The following CNTN5 variants were observed in gnomAD, a reference collection of about 807,000 sequenced individuals.
CNTN5 encodes the protein contactin 5, also known as contactin-5.
A neutral mutation model predicts 129.1 loss-of-function variants in CNTN5; 77 were observed. That is an observed-to-expected ratio of 0.60 (90% CI 0.50 to 0.72). The LOEUF (loss-of-function observed/expected upper bound fraction) is 0.72, where lower values mean the gene tolerates loss of function less well. CNTN5 is among the 30% of genes least tolerant of loss of function. The pLI is 0.00. For synonymous variants in CNTN5, 509 were observed against 465.6 expected (o/e 1.09, Z -1.20); for missense variants, 1,478 against 1,328.8 (o/e 1.11, Z -1.75).
intron 2 of CNTN5, among the ~76,000 whole-genome samples, chr11:99,464,607 AT>A (rs988563928): frequency 1.3e-5 from 2 of 152,158 alleles, no homozygotes; most frequent in African/African-American, 2.4e-5. Flanking sequence ...TTGAAATTGA[AT>A]TACATACTCA....
intron 6 of CNTN5, among the ~76,000 whole-genome samples, chr11:99,858,286 A>T (rs1948101363): frequency 1.3e-5 from 2 of 152,146 alleles, no homozygotes; most frequent in Admixed American, 1.3e-4. Flanking sequence ...ATTTATATCA[A>T]TTCTGTTTTC....
chr11:99,694,181 G>A lies in CNTN5; in HGVS notation c.56-125363G>A, dbSNP rs897925033. On this transcript the variant is annotated intron_variant, in intron 3 of 24. Transcript: ENST00000524871. ...CACAATACGGCTCTGAAGCCAATAC[G>A]GCTCATGAAGCCAAAGACTTAGAGT... Among the ~76,000 whole-genome samples, 55 of 151,746 alleles carry A rather than the reference G, an allele frequency of 3.6e-4. 2 individuals carry two copies. The highest frequency in any genetic ancestry group is 7.1e-4 in the Non-Finnish European group (48 of 67,954).
At chr11:99,268,435 G>C (rs1234445779) in intron 1 of CNTN5, among the ~76,000 whole-genome samples, 1 of 151,302 alleles carries the variant, frequency 6.6e-6, no homozygotes, top group African/African-American at 2.4e-5. Context: ...TATAATATTA[G>C]ATCATATATA....
intron 8 of CNTN5, among the ~76,000 whole-genome samples, chr11:99,958,070 A>G (rs948964769): frequency 1.3e-5 from 2 of 152,100 alleles, no homozygotes; most frequent in Admixed American, 1.3e-4. Context: ...CATTTTAAAG[A>G]GAAGAAAGCC....
intron 3 of CNTN5, among the ~76,000 whole-genome samples, chr11:99,776,972 A>C (rs1407116783): frequency 6.6e-6 from 1 of 151,950 alleles, no homozygotes. Context: ...GTTATTTTAA[A>C]AATGTCATTT....
At chr11:100,103,756 G>A (rs1476715373) in intron 13 of CNTN5, among the ~76,000 whole-genome samples, 4 of 152,114 alleles carry the variant, frequency 2.6e-5, no homozygotes, top group African/African-American at 7.2e-5. Context: ...AAGGGAACTG[G>A]AAGCTATAAT....
chr11:99,196,381 G>T (rs1746012724), intron 1 of CNTN5, among the ~76,000 whole-genome samples: 1 of 151,486 alleles, frequency 6.6e-6, no homozygotes, highest in Non-Finnish European at 1.5e-5. Flanking sequence ...AGAGATTTTG[G>T]GTTTTATATC....
At chr11:99,049,770 T>C (rs538018298) in intron 1 of CNTN5, 3 of 152,246 alleles carry the variant, frequency 2.0e-5, no homozygotes, top group South Asian at 2.1e-4. Flanking sequence ...ACTTGACTTA[T>C]ATATATTTGG....
chr11:100,082,306 G>A (rs982755137), intron 13 of CNTN5, among the ~76,000 whole-genome samples: 2 of 152,146 alleles, frequency 1.3e-5, no homozygotes, highest in African/African-American at 2.4e-5. Flanking sequence ...TATTGAGATA[G>A]GGTCTCACAA....
chr11:99,771,960 G>GA (rs1317926756), intron 3 of CNTN5, among the ~76,000 whole-genome samples: 37 of 149,292 alleles, frequency 2.5e-4, no homozygotes, highest in South Asian at 6.3e-4. Flanking sequence ...GTGTCTGGGA[G>GA]AAAAAAAAAC....
intron 3 of CNTN5, among the ~76,000 whole-genome samples, chr11:99,620,498 T>TTTC (rs1456349092): frequency 8.3e-6 from 1 of 120,608 alleles, no homozygotes; most frequent in Admixed American, 1.1e-4. Context: ...TAAAACTCTT[T>TTTC]TTTTCTTTTC....
chr11:99,626,463 C>G (rs1304460862), intron 3 of CNTN5, among the ~76,000 whole-genome samples: 1 of 152,076 alleles, frequency 6.6e-6, no homozygotes, highest in African/African-American at 2.4e-5. Flanking sequence ...AATGCCTCTT[C>G]TTTACATCTC....
chr11:99,095,592 C>T (rs887369809), intron 1 of CNTN5, among the ~76,000 whole-genome samples: 1 of 151,746 alleles, frequency 6.6e-6, no homozygotes, highest in African/African-American at 2.4e-5. Flanking sequence ...GGAGAAGAGA[C>T]ATAAAAGTAC....
intron 23 of CNTN5, among the ~76,000 whole-genome samples, chr11:100,347,296 G>C (rs1351153341): frequency 4.6e-5 from 7 of 151,932 alleles, no homozygotes; most frequent in Non-Finnish European, 7.4e-5. Flanking sequence ...ATAGTCTATA[G>C]CCACTCTAGC....
At chr11:100,096,411 C>T (rs1212079192) in intron 13 of CNTN5, among the ~76,000 whole-genome samples, 1 of 152,014 alleles carries the variant, frequency 6.6e-6, no homozygotes, top group Non-Finnish European at 1.5e-5. Flanking sequence ...CTGATATATA[C>T]CCGTATTCTG....
At chr11:99,742,527 A>G (rs558679883) in intron 3 of CNTN5, among the ~76,000 whole-genome samples, 1 of 152,286 alleles carries the variant, frequency 6.6e-6, no homozygotes, top group Admixed American at 6.5e-5. Flanking sequence ...AAGAAGGAGG[A>G]AAAAACAATC....
intron 1 of CNTN5, among the ~76,000 whole-genome samples, chr11:99,067,840 A>G (rs1865166890): frequency 6.6e-6 from 1 of 152,144 alleles, no homozygotes. Flanking sequence ...CCCCCACCCA[A>G]AATCTCATCT....
At chr11:99,031,855 C>T (rs537505548) in intron 1 of CNTN5, among the ~76,000 whole-genome samples, 384 of 150,518 alleles carry the variant, frequency 2.6e-3, no homozygotes, top group Non-Finnish European at 4.3e-3. Flanking sequence ...CATGCTGGTG[C>T]GCTGCACCCA....
chr11:100,095,695 A>G (rs1292122875), intron 13 of CNTN5, among the ~76,000 whole-genome samples: 1 of 152,108 alleles, frequency 6.6e-6, no homozygotes, highest in African/African-American at 2.4e-5. Context: ...TCAATCAGTA[A>G]TTTAGTCTCA....
Sources: gnomAD v4.1 joint callset for allele counts (sites outside exome capture counted in the v4.1 genomes callset) on GRCh38, gnomAD v4.1.1 for gene constraint, MANE v1.5 for transcripts, NCBI Gene and HGNC (gene_info 2026-07-23, HGNC 2026-07-21) for gene names.